The following GALNT11 variants were observed in gnomAD, a reference collection of about 807,000 sequenced individuals.
GALNT11 encodes the protein polypeptide N-acetylgalactosaminyltransferase 11.
A neutral mutation model predicts 72.7 loss-of-function variants in GALNT11; 47 were observed. That is an observed-to-expected ratio of 0.65 (90% CI 0.51 to 0.82). The LOEUF (loss-of-function observed/expected upper bound fraction) is 0.82. Ranked by LOEUF, GALNT11 falls within the 40% of genes least tolerant of loss-of-function variation. GALNT11 has a pLI of 0.00. For synonymous variants in GALNT11, 270 were observed against 286.6 expected (o/e 0.94, Z 0.58); for missense variants, 677 against 778.4 (o/e 0.87, Z 1.55).
Position 152,094,558 on chromosome 7 carries a change from G to C in GALNT11, c.295+36G>C. On this transcript the variant is annotated intron_variant, in intron 2 of 11. Transcript: ENST00000430044. The surrounding 1 kb of genome is among the most constrained non-coding windows in gnomAD (Gnocchi z 4.3). ...GATGTTTACCAGCATCCATATCAAT[G>C]TATTTAATCACTGGAAGTTTGATTA... is the stretch of plus-strand genomic sequence containing the variant. 6.5e-7 allele frequency: 1 copy of C among 1,530,830 alleles called. No homozygotes were observed. Among genetic ancestry groups the C allele is most frequent in the South Asian group, 1.3e-5 (1 of 78,854 alleles). The allele number at this position is 1,530,830 out of a possible 1,614,324, so 94.8% of individuals were successfully genotyped here. A position where few individuals can be genotyped will look rare whatever the true frequency, so the allele number is the denominator to read the frequency against.
At chr7:152,042,139 C>T (rs1460854785) in intron 1 of GALNT11, among the ~76,000 whole-genome samples, 2 of 152,210 alleles carry the variant, frequency 1.3e-5, no homozygotes, top group Non-Finnish European at 2.9e-5. Context: ...AAACGTTTAG[C>T]AGGCTTAAGC....
At chr7:152,083,000 T>C (rs909185698) in intron 1 of GALNT11, among the ~76,000 whole-genome samples, 4 of 152,236 alleles carry the variant, frequency 2.6e-5, no homozygotes, top group Admixed American at 6.5e-5. Flanking sequence ...CTATTTGAGA[T>C]TGTGGCTCAC....
intron 6 of GALNT11, 53 bp downstream of exon 6, chr7:152,108,340 A>T: frequency 6.4e-7 from 1 of 1,552,394 alleles, no homozygotes; most frequent in Admixed American, 1.9e-5. Flanking sequence ...CTTAAAAGAG[A>T]ACAAAATGAT....
chr7:152,039,086 T>C (rs2082722565), intron 1 of GALNT11, among the ~76,000 whole-genome samples: 1 of 152,204 alleles, frequency 6.6e-6, no homozygotes, highest in Non-Finnish European at 1.5e-5. Context: ...TCATACTTCT[T>C]ACCATTTCTA....
intron 9 of GALNT11, 124 bp downstream of exon 9, chr7:152,117,499 T>G: frequency 2.2e-6 from 2 of 911,520 alleles, no homozygotes; most frequent in Non-Finnish European, 3.4e-6. Flanking sequence ...GGCTTCAGCT[T>G]GCCTTTCATT....
chr7:152,098,897 A>C (rs2086565249), intron 2 of GALNT11, among the ~76,000 whole-genome samples: 1 of 152,242 alleles, frequency 6.6e-6, no homozygotes, highest in South Asian at 2.1e-4. Flanking sequence ...ATGTTTCTCA[A>C]AGTAGATATG....
At chr7:152,066,054 G>T (rs2084289196) in intron 1 of GALNT11, among the ~76,000 whole-genome samples, 1 of 152,220 alleles carries the variant, frequency 6.6e-6, no homozygotes, top group Non-Finnish European at 1.5e-5. Flanking sequence ...GTCTACAGAG[G>T]CAGGCAGGCC....
chr7:152,035,763 G>A (rs571862575), intron 1 of GALNT11, among the ~76,000 whole-genome samples: 7 of 152,278 alleles, frequency 4.6e-5, no homozygotes, highest in South Asian at 2.1e-4. Flanking sequence ...TTTAGCCACC[G>A]AATTCTAAGG....
chr7:152,054,889 A>G lies in GALNT11; in HGVS notation c.-39+29005A>G, dbSNP rs2083583523. Among the ~76,000 whole-genome samples, 4 of 152,200 alleles carry G rather than the reference A, an allele frequency of 2.6e-5. No individual in the cohort carries two copies. In the South Asian group the frequency reaches 8.3e-4, roughly 31 times the overall value. On this transcript the variant is annotated intron_variant, in intron 1 of 11. Coordinates refer to ENST00000430044, the MANE Select transcript of GALNT11 (RefSeq NM_022087.4). ...GATGCTGTGTTTGTTAGGGTTCTCC[A>G]GAGAAACAGAACCCATAGGATGTGT...
intron 2 of GALNT11, among the ~76,000 whole-genome samples, chr7:152,098,691 T>C (rs554874095): frequency 6.6e-6 from 1 of 152,316 alleles, no homozygotes; most frequent in South Asian, 2.1e-4. Context: ...ATCTTCTTTG[T>C]GCAAGGCTCT....
At chr7:152,098,618 C>G (rs767651585) in intron 2 of GALNT11, among the ~76,000 whole-genome samples, 1 of 151,968 alleles carries the variant, frequency 6.6e-6, no homozygotes, top group Non-Finnish European at 1.5e-5. Flanking sequence ...TTCAAGAGAC[C>G]TATAATAGAA....
Position 152,103,171 on chromosome 7 carries a change from A to G in GALNT11, c.479A>G (p.Tyr160Cys), listed in dbSNP as rs2087145249. The change falls in exon 4 of 12, where the codon TAT becomes TGT. Residue 160 changes from tyrosine to cysteine, a missense_variant. By Grantham distance (194) the Tyr-to-Cys change is radical. Transcript: ENST00000430044. ...GCTGCTAGTGTTGTTATCTGTTTCT[A>G]TAATGAAGCGTTTTCTGCCTTGCTT... Reference protein sequence around the residue: ...LPAASVVICFYNEAFSALLRT... With the variant: ...LPAASVVICFCNEAFSALLRT... The G allele has an allele frequency of 6.2e-7, 1 of 1,612,984 alleles. No individual in the cohort carries two copies. The highest frequency in any genetic ancestry group is 2.2e-5 in the East Asian group (1 of 44,850).
chr7:152,089,544 G>A (rs989722546), intron 1 of GALNT11, among the ~76,000 whole-genome samples: 3 of 152,172 alleles, frequency 2.0e-5, no homozygotes, highest in Admixed American at 6.5e-5. Context: ...ACTAAAACCC[G>A]ATTGGCTAAC....
rs2086256755 is a variant in GALNT11, at chr7:152,094,568, A to G, written c.295+46A>G. On this transcript the variant is annotated intron_variant, in intron 2 of 11. Transcript: ENST00000430044. The surrounding 1 kb of genome is among the most constrained non-coding windows in gnomAD (Gnocchi z 4.3). ...AGCATCCATATCAATGTATTTAATCACTGGAAGTTTGATTAATTAGTTAAT... is the reference window on the plus strand; with the variant it reads ...AGCATCCATATCAATGTATTTAATCGCTGGAAGTTTGATTAATTAGTTAAT... The G allele has an allele frequency of 6.6e-7, 1 of 1,515,140 alleles. No homozygotes were observed. Among genetic ancestry groups the G allele is most frequent in the East Asian group, 2.3e-5 (1 of 43,612 alleles). 93.9% of individuals were successfully genotyped at this position (1,515,140 alleles called of 1,614,324 possible). A position where few individuals can be genotyped will look rare whatever the true frequency, so the allele number is the denominator to read the frequency against.
chr7:152,087,285 C>A (rs2085708912), intron 1 of GALNT11, among the ~76,000 whole-genome samples: 1 of 151,992 alleles, frequency 6.6e-6, no homozygotes. Flanking sequence ...TTGGTAGGGC[C>A]TTATTGAGAA....
intron 1 of GALNT11, among the ~76,000 whole-genome samples, chr7:152,041,046 G>A (rs948755638): frequency 6.6e-6 from 1 of 152,086 alleles, no homozygotes; most frequent in African/African-American, 2.4e-5. Flanking sequence ...TGACAGTTGG[G>A]GTCCTCCTCA....
chr7:152,113,623 G>A (rs1010584034), intron 8 of GALNT11, among the ~76,000 whole-genome samples: 10 of 147,812 alleles, frequency 6.8e-5, no homozygotes, highest in African/African-American at 2.5e-4. Context: ...TCCATAAGAA[G>A]TAATGCGGCT....
chr7:152,101,047 C>G, intron 3 of GALNT11, 126 bp downstream of exon 3: 2 of 1,271,348 alleles, frequency 1.6e-6, no homozygotes, highest in Non-Finnish European at 2.2e-6. Flanking sequence ...TACTAGGAAA[C>G]TTGAGACAGA....
intron 1 of GALNT11, among the ~76,000 whole-genome samples, chr7:152,056,110 A>C (rs1184165402): frequency 1.3e-5 from 2 of 152,228 alleles, no homozygotes; most frequent in Non-Finnish European, 1.5e-5. Flanking sequence ...TTTTAGGATT[A>C]GATTTTTTCA....
Sources: allele counts gnomAD v4.1 joint callset (sites outside exome capture counted in the v4.1 genomes callset), GRCh38; gene constraint gnomAD v4.1.1; non-coding constraint Gnocchi (gnomAD v3.1); transcripts MANE v1.5; gene names NCBI Gene and HGNC (gene_info 2026-07-23, HGNC 2026-07-21).